The following SLC14A2 variants were observed in gnomAD, a reference collection of about 807,000 sequenced individuals.
The protein encoded by SLC14A2 is solute carrier family 14 member 2, also known as urea transporter 2.
A neutral mutation model predicts 104.6 loss-of-function variants in SLC14A2; 91 were observed. That is an observed-to-expected ratio of 0.87 (90% CI 0.73 to 1.04). SLC14A2 has a LOEUF of 1.04. Among genes scored for constraint, SLC14A2 ranks in the 50% least tolerant of loss-of-function variants. The pLI is 0.00. For synonymous variants in SLC14A2, 476 were observed against 466.4 expected, an observed-to-expected ratio of 1.02 and a Z score of -0.27; for missense variants, 1,189 against 1,156.0, an observed-to-expected ratio of 1.03 and a Z score of -0.41.
Position 45,682,833 on chromosome 18 carries a change from G to A in SLC14A2, c.*314G>A, listed in dbSNP as rs1481882126. ...TCACCGGCCGGGCACGGTGGCTCAC[G>A]CCTGTAATCCCAGCACTTTGGGAGG... On this transcript the variant is annotated 3_prime_UTR_variant, in exon 20 of 20. Transcript: ENST00000255226. 2.0e-5 allele frequency: 6 copies of A among 304,510 alleles called. No homozygotes were observed. The highest frequency in any genetic ancestry group is 3.9e-5 in the Non-Finnish European group (6 of 155,842). The allele number at this position is 304,510 out of a possible 1,614,324, so 18.9% of individuals were successfully genotyped here.
intron 1 of SLC14A2, among the ~76,000 whole-genome samples, chr18:45,300,357 G>A (rs1339430884): frequency 6.7e-6 from 1 of 148,682 alleles, no homozygotes. Flanking sequence ...GCTCAAGTTT[G>A]CACAGCCAGT....
intron 2 of SLC14A2, among the ~76,000 whole-genome samples, chr18:45,578,701 G>A (rs1306121221): frequency 2.6e-5 from 4 of 152,158 alleles, no homozygotes; most frequent in Non-Finnish European, 4.4e-5. Flanking sequence ...ATTGAATTAG[G>A]AACTGAAGCT....
chr18:45,256,599 T>C lies in SLC14A2; in HGVS notation c.-125+43408T>C, dbSNP rs1056379224. On this transcript the variant is annotated intron_variant, in intron 1 of 20. Transcript: ENST00000586448. ...GAAGGCATCTTAATGGATCATACTT[T>C]TGTGTTGCTTCTCTGATGTGATAAT... 1.3e-5 allele frequency among the ~76,000 whole-genome samples: 2 copies of C among 152,224 alleles called. 1 individual carries two copies. The highest frequency in any genetic ancestry group is 4.1e-4 in the South Asian group (2 of 4,834).
intron 1 of SLC14A2, among the ~76,000 whole-genome samples, chr18:45,221,887 G>C (rs760149480): frequency 6.6e-6 from 1 of 152,024 alleles, no homozygotes; most frequent in Non-Finnish European, 1.5e-5. Flanking sequence ...GGGAAAGATA[G>C]ACAAAGGCTT....
At chr18:45,613,184 G>A (rs1202144369), upstream of SLC14A2, among the ~76,000 whole-genome samples, 4 of 152,172 alleles carry the variant, frequency 2.6e-5, no homozygotes, top group Admixed American at 2.0e-4. Context: ...ACAGGCGCCC[G>A]CCACCATGCC....
intron 1 of SLC14A2, among the ~76,000 whole-genome samples, chr18:45,320,862 T>G (rs2085178216): frequency 6.6e-6 from 1 of 152,228 alleles, no homozygotes; most frequent in Non-Finnish European, 1.5e-5. Flanking sequence ...GAAGGAAAAC[T>G]GCCTTCTCAT....
chr18:45,637,468 A>G (rs920124838), intron 6 of SLC14A2, among the ~76,000 whole-genome samples: 57 of 152,222 alleles, frequency 3.7e-4, no homozygotes, highest in African/African-American at 1.3e-3. Flanking sequence ...AACAGATAAC[A>G]TGCAAGTGAA....
chr18:45,272,435 TG>T lies in SLC14A2; in HGVS notation c.-125+59245del, dbSNP rs1397552242. On this transcript the variant is annotated intron_variant, in intron 1 of 20. Transcript: ENST00000586448. Reference sequence around the variant, plus strand: ...TATATTCCATCCATGTTGTTGCAAATGTTGCAACAACATTTTACTATGTTAA... The same window carrying T: ...TATATTCCATCCATGTTGTTGCAAATTTGCAACAACATTTTACTATGTTAA... Among the ~76,000 whole-genome samples, 9 of 151,938 alleles carry T rather than the reference TG, an allele frequency of 5.9e-5. No homozygotes were observed. In the East Asian group the frequency reaches 1.7e-3, roughly 29 times the overall value.
In SLC14A2 at chr18:45,463,977, G is replaced by A. The variant is rs1001221929; in HGVS notation, c.-124-19256G>A. Among the ~76,000 whole-genome samples, 8 of 152,158 alleles carry A rather than the reference G, an allele frequency of 5.3e-5. No individual in the cohort carries two copies. The East Asian group carries it at 1.5e-3, about 29-fold the overall frequency. Reference sequence around the variant, plus strand: ...TATTTCTAATTTTTCTGATTACCAGGATGTTTTGCAAGGTTAGTAGACTGG... The same window carrying A: ...TATTTCTAATTTTTCTGATTACCAGAATGTTTTGCAAGGTTAGTAGACTGG... On this transcript the variant is annotated intron_variant, in intron 1 of 20. Coordinates refer to the SLC14A2 transcript ENST00000586448.
At chr18:45,221,972 G>T (rs62092123) in intron 1 of SLC14A2, among the ~76,000 whole-genome samples, 17,167 of 152,126 alleles carry the variant, frequency 0.11, 977 homozygotes, top group Non-Finnish European at 0.12. Flanking sequence ...GATCAAAAAT[G>T]AGCATACATT....
At chr18:45,630,701 C>G (rs943136356) in intron 4 of SLC14A2, among the ~76,000 whole-genome samples, 3 of 152,198 alleles carry the variant, frequency 2.0e-5, no homozygotes, top group Non-Finnish European at 1.5e-5. Flanking sequence ...TACAAACACA[C>G]TAAAAATAAT....
At chr18:45,192,045 A>G in the SLC14A2 span, among the ~76,000 whole-genome samples, 1 of 152,158 alleles carries the variant, frequency 6.6e-6, no homozygotes, top group African/African-American at 2.4e-5. Flanking sequence ...GAGAATATCC[A>G]TATGCTATGG....
the SLC14A2 span, among the ~76,000 whole-genome samples, chr18:45,171,844 A>G: frequency 0.24 from 37,006 of 152,082 alleles, 4,814 homozygotes; most frequent in Non-Finnish European, 0.3. Flanking sequence ...TGAATCACTC[A>G]AATCTTCTCA....
chr18:45,599,916 A>G (rs181251182), intron 2 of SLC14A2, among the ~76,000 whole-genome samples: 1 of 152,106 alleles, frequency 6.6e-6, no homozygotes, highest in Non-Finnish European at 1.5e-5. Context: ...CTTATTCACT[A>G]TCACAAGAAC....
At chr18:45,215,740 A>T (rs1246670593) in intron 1 of SLC14A2, among the ~76,000 whole-genome samples, 1 of 152,226 alleles carries the variant, frequency 6.6e-6, no homozygotes, top group East Asian at 1.9e-4. Flanking sequence ...TTGCAGGAAG[A>T]CTGTCTGTGG....
At chr18:45,358,754 T>C (rs569762332) in intron 1 of SLC14A2, among the ~76,000 whole-genome samples, 116 of 152,012 alleles carry the variant, frequency 7.6e-4, no homozygotes, top group African/African-American at 2.7e-3. Flanking sequence ...CTTTTTCGTA[T>C]TTTTTTTGCA....
intron 17 of SLC14A2, 51 bp from the exon 18 acceptor site, chr18:45,673,632 T>C: frequency 6.3e-7 from 1 of 1,583,126 alleles, no homozygotes. Context: ...GGCCAGCAGA[T>C]GGGCCCCATA....
At chr18:45,271,828 C>G (rs1196502602) in intron 1 of SLC14A2, among the ~76,000 whole-genome samples, 1 of 151,960 alleles carries the variant, frequency 6.6e-6, no homozygotes, top group East Asian at 1.9e-4. Flanking sequence ...CGCAAAAGAC[C>G]CAGAATAGCC....
Position 45,626,809 on chromosome 18 carries a change from C to T in SLC14A2, c.332-149C>T, listed in dbSNP as rs879296027. The T allele has an allele frequency of 6.8e-6, 3 of 438,126 alleles. 1 individual carries two copies. The highest frequency in any genetic ancestry group is 1.3e-5 in the Non-Finnish European group (3 of 237,596). 27.1% of individuals were successfully genotyped at this position (438,126 alleles called of 1,614,324 possible). On this transcript the variant is annotated intron_variant, in intron 3 of 19. Coordinates refer to ENST00000255226, the MANE Select transcript of SLC14A2 (RefSeq NM_007163.4). ...GCTGGGCACCAGCCTCCCCTCTACCCCCACCCCTCCACCCCGACCCCTGGC... is the reference window on the plus strand; with the variant it reads ...GCTGGGCACCAGCCTCCCCTCTACCTCCACCCCTCCACCCCGACCCCTGGC...
Sources: allele counts gnomAD v4.1 joint callset (sites outside exome capture counted in the v4.1 genomes callset), GRCh38; gene constraint gnomAD v4.1.1; transcripts MANE v1.5; gene names NCBI Gene and HGNC (gene_info 2026-07-23, HGNC 2026-07-21).